WDFY4: variants seen among roughly 807,000 people sequenced by gnomAD.
The protein encoded by WDFY4 is WD repeat- and FYVE domain-containing protein 4.
A neutral mutation model predicts 351.9 loss-of-function variants in WDFY4; 169 were observed. That is an observed-to-expected ratio of 0.48 (90% CI 0.42 to 0.55). The LOEUF (loss-of-function observed/expected upper bound fraction) is 0.55, where lower values mean the gene tolerates loss of function less well. Among genes scored for constraint, WDFY4 ranks in the 20% least tolerant of loss-of-function variants. WDFY4 has a pLI of 0.00. For synonymous variants in WDFY4, 1,622 were observed against 1,574.6 expected, an observed-to-expected ratio of 1.03 and a Z score of -0.71; for missense variants, 3,803 against 3,935.6, an observed-to-expected ratio of 0.97 and a Z score of 0.90.
rs189813864 is a variant in WDFY4, at chr10:48,712,740, C to T, written c.234+2774C>T. On this transcript the variant is annotated intron_variant, in intron 2 of 61. Coordinates refer to ENST00000325239, the MANE Select transcript of WDFY4 (RefSeq NM_001394531.1). ...ATAGGCCCTTGTGTAAGAAGATAAG[C>T]TTGTAACCACTCTGTTCTGAATTTT... 2.1e-3 allele frequency among the ~76,000 whole-genome samples: 313 copies of T among 152,288 alleles called. 1 individual carries two copies. Among genetic ancestry groups the T allele is most frequent in the African/African-American group, 7.0e-3 (292 of 41,562 alleles).
Position 48,727,507 on chromosome 10 carries a change from C to T in WDFY4, c.819C>T (p.Ser273=). The change falls in exon 7 of 62, where the codon TCC becomes TCT. Residue 273 remains serine (S), a synonymous_variant. Transcript: ENST00000325239. ...TCAGGCTCTCCCTCCAGAACCTCTC[C>T]AGGCTCACGGACACTCTCCCTGCCC... ...DCVRLSLQNL[S]RLTDTLPAPE... is the part of the protein sequence containing the mutation. 6.4e-7 allele frequency: 1 copy of T among 1,551,760 alleles called. No homozygotes were observed. Among genetic ancestry groups the T allele is most frequent in the Non-Finnish European group, 8.7e-7 (1 of 1,147,006 alleles).
intron 12 of WDFY4, among the ~76,000 whole-genome samples, chr10:48,746,731 C>G (rs2065026514): frequency 1.3e-5 from 2 of 151,616 alleles, no homozygotes; most frequent in Admixed American, 1.3e-4. Flanking sequence ...TAGTAGTTGC[C>G]CTAGAGTGAA....
chr10:48,836,539 T>A (rs565032779), intron 39 of WDFY4, among the ~76,000 whole-genome samples: 29 of 152,366 alleles, frequency 1.9e-4, no homozygotes, highest in African/African-American at 4.8e-4. Context: ...ATAGCACTGA[T>A]AAATTGTTCC....
At chr10:48,814,623 G>A (rs890331457) in intron 31 of WDFY4, among the ~76,000 whole-genome samples, 1 of 152,230 alleles carries the variant, frequency 6.6e-6, no homozygotes, top group East Asian at 1.9e-4. Context: ...GGTAAGCCAG[G>A]TCAGGGAGGG....
At chr10:48,702,967 G>T (rs1407617611) in intron 1 of WDFY4, among the ~76,000 whole-genome samples, 1 of 152,164 alleles carries the variant, frequency 6.6e-6, no homozygotes. Context: ...TCCTAATGAT[G>T]ATGCTGTTGT....
intron 39 of WDFY4, among the ~76,000 whole-genome samples, chr10:48,847,212 G>A (rs1416766294): frequency 6.6e-6 from 1 of 152,114 alleles, no homozygotes; most frequent in Admixed American, 6.5e-5. Flanking sequence ...CACGTGGTCT[G>A]TCCTCTGTAC....
At chr10:48,695,162 G>A (rs1022026083) in intron 1 of WDFY4, among the ~76,000 whole-genome samples, 5 of 152,222 alleles carry the variant, frequency 3.3e-5, no homozygotes, top group East Asian at 1.9e-4. Flanking sequence ...GAGTGTCCAC[G>A]TTGTCCAAGG....
intron 36 of WDFY4, among the ~76,000 whole-genome samples, chr10:48,828,150 G>A (rs1238380464): frequency 6.6e-6 from 1 of 152,168 alleles, no homozygotes; most frequent in African/African-American, 2.4e-5. Context: ...GTGTCATAAT[G>A]GCCACGTGGA....
intron 39 of WDFY4, among the ~76,000 whole-genome samples, chr10:48,836,126 A>G (rs989306240): frequency 2.0e-5 from 3 of 152,236 alleles, no homozygotes; most frequent in African/African-American, 7.2e-5. Context: ...GTGATGTCAT[A>G]GGATAAGAGC....
At chr10:48,711,892 T>C (rs1367148105) in intron 2 of WDFY4, among the ~76,000 whole-genome samples, 1 of 152,222 alleles carries the variant, frequency 6.6e-6, no homozygotes, top group Non-Finnish European at 1.5e-5. Flanking sequence ...GATCTAATAC[T>C]GACGGTTGTA....
intron 1 of WDFY4, 116 bp downstream of exon 1, chr10:48,685,117 T>C (rs2063006517): frequency 1.3e-5 from 2 of 152,888 alleles, no homozygotes; most frequent in Non-Finnish European, 2.9e-5. Flanking sequence ...GGGGCACATG[T>C]GACCCAGTGC....
At chr10:48,763,282 G>T (rs1362091571) in intron 13 of WDFY4, among the ~76,000 whole-genome samples, 2 of 152,356 alleles carry the variant, frequency 1.3e-5, no homozygotes, top group East Asian at 1.9e-4. Flanking sequence ...TGTGGTGATG[G>T]TGAGGGGAAG....
At chr10:48,789,047 T>A (rs2066591280) in intron 21 of WDFY4, among the ~76,000 whole-genome samples, 1 of 152,222 alleles carries the variant, frequency 6.6e-6, no homozygotes, top group Admixed American at 6.5e-5. Flanking sequence ...TTTAATTTTT[T>A]ATTTTTTTAC....
chr10:48,908,952 T>C (rs1837773344), intron 47 of WDFY4, among the ~76,000 whole-genome samples: 1 of 152,238 alleles, frequency 6.6e-6, no homozygotes, highest in African/African-American at 2.4e-5. Flanking sequence ...CTGGGAATCA[T>C]GAATCTGTTT....
chr10:48,919,582 C>A (rs1314544624), intron 47 of WDFY4, among the ~76,000 whole-genome samples: 1 of 152,214 alleles, frequency 6.6e-6, no homozygotes. Context: ...AAGTCACTGG[C>A]AGATTTGCCA....
At chr10:48,949,055 A>G (rs1219367055) in intron 51 of WDFY4, among the ~76,000 whole-genome samples, 1 of 152,216 alleles carries the variant, frequency 6.6e-6, no homozygotes, top group Non-Finnish European at 1.5e-5. Context: ...CCCATGTGAG[A>G]GGGTCACAAC....
At chr10:48,965,824 C>CTGTATCAGTTAGATATAGATTATATT (rs1175915284) in intron 54 of WDFY4, among the ~76,000 whole-genome samples, 1 of 152,182 alleles carries the variant, frequency 6.6e-6, no homozygotes, top group Non-Finnish European at 1.5e-5. Flanking sequence ...TAGATTATAT[C>CTGTATCAGTTAGATATAGATTATATT]TATACCAGTT....
chr10:48,737,079 T>C (rs1279277258), intron 11 of WDFY4, among the ~76,000 whole-genome samples: 1 of 152,248 alleles, frequency 6.6e-6, no homozygotes, highest in African/African-American at 2.4e-5. Flanking sequence ...TTTGTCTTTG[T>C]GAGTTTATGA....
intron 1 of WDFY4, among the ~76,000 whole-genome samples, chr10:48,687,010 C>T (rs2063068307): frequency 1.3e-5 from 2 of 152,126 alleles, no homozygotes; most frequent in Admixed American, 1.3e-4. Context: ...TCTGTTGCTC[C>T]ACTTCTTCAT....
Sources: allele counts gnomAD v4.1 joint callset (sites outside exome capture counted in the v4.1 genomes callset), GRCh38; gene constraint gnomAD v4.1.1; transcripts MANE v1.5; gene names NCBI Gene and HGNC (gene_info 2026-07-23, HGNC 2026-07-21).